Variants in MTF2 observed in about 807,000 individuals in gnomAD.
The protein encoded by MTF2 is metal response element binding transcription factor 2.
A neutral mutation model predicts 79.5 loss-of-function variants in MTF2; 11 were observed. That is an observed-to-expected ratio of 0.14 (90% CI 0.09 to 0.23). The LOEUF is 0.23. MTF2 is among the 10% of genes least tolerant of loss of function. MTF2 has a pLI of 1.00. For missense variants in MTF2, 486 were observed against 711.2 expected (o/e 0.68, Z 3.60); for synonymous variants, 208 against 232.8 (o/e 0.89, Z 0.97).
At chr1:93,117,263 T>C (rs1656285445) in intron 6 of MTF2, among the ~76,000 whole-genome samples, 1 of 152,086 alleles carries the variant, frequency 6.6e-6, no homozygotes, top group Non-Finnish European at 1.5e-5. Context: ...ACTAGCTGGG[T>C]GTGGTGGTGT....
At chr1:93,123,207 T>G (rs1477807539) in intron 9 of MTF2, among the ~76,000 whole-genome samples, 1 of 147,392 alleles carries the variant, frequency 6.8e-6, no homozygotes, top group Non-Finnish European at 1.5e-5. Flanking sequence ...ACATCAGCTC[T>G]TTCTTTTTTT....
rs144047097 is a variant in MTF2, at chr1:93,114,744, G to C, written c.343G>C (p.Ala115Pro). 3.7e-6 allele frequency: 6 copies of C among 1,612,878 alleles called. No individual in the cohort carries two copies. The highest frequency in any genetic ancestry group is 5.1e-6 in the Non-Finnish European group (6 of 1,179,582). ...AATATGTCAAGAAGAGTATTCAGAAGCTCCCAATGAAATGGTTATATGTGA... is the reference window on the plus strand; with the variant it reads ...AATATGTCAAGAAGAGTATTCAGAACCTCCCAATGAAATGGTTATATGTGA... ...CTICQEEYSE[A>P]PNEMVICDKC... The change falls in exon 4 of 15, where the codon GCT (alanine) becomes CCT (proline). Residue 115 changes from alanine to proline, a missense_variant. Ala to Pro is a conservative substitution (Grantham distance 27). Coordinates refer to ENST00000370298, the MANE Select transcript of MTF2 (RefSeq NM_007358.4).
At chr1:93,135,515 C>T in intron 14 of MTF2, among the ~76,000 whole-genome samples, 1 of 152,174 alleles carries the variant, frequency 6.6e-6, no homozygotes. Flanking sequence ...AAGCTTTTTA[C>T]AAATATTGTC....
At chr1:93,120,708 G>A (rs772273361) in intron 9 of MTF2, 36 bp downstream of exon 9, 1 of 1,588,100 alleles carries the variant, frequency 6.3e-7, no homozygotes, top group South Asian at 1.2e-5. Flanking sequence ...GTAGCTACTT[G>A]ATGTCTTTTT....
At chr1:93,095,973 C>T (rs1655273398) in intron 1 of MTF2, among the ~76,000 whole-genome samples, 1 of 152,148 alleles carries the variant, frequency 6.6e-6, no homozygotes, top group African/African-American at 2.4e-5. Flanking sequence ...ATTCTTAATG[C>T]TCCCACTTGA....
chr1:93,119,300 T>A, intron 7 of MTF2, 33 bp from the exon 8 acceptor site: 1 of 1,427,858 alleles, frequency 7.0e-7, no homozygotes, highest in Non-Finnish European at 9.6e-7. Context: ...GATGACTCAG[T>A]ATAAAACTTT....
rs763709882 is a variant in MTF2 at position 93,112,769 on chromosome 1, A to G, written c.287-1919A>G. Among the ~76,000 whole-genome samples the G allele has an allele frequency of 1.6e-3, 247 of 152,340 alleles. 1 individual carries two copies. Among genetic ancestry groups the G allele is most frequent in the Non-Finnish European group, 1.4e-3 (97 of 68,022 alleles). On this transcript the variant is annotated intron_variant, in intron 3 of 14. Transcript: ENST00000370298. ...GGAGACTATAGAAGATTACTAAGCT[A>G]TATAGGAAGGTTCTTGTAAACTTGA... is the stretch of plus-strand genomic sequence containing the variant.
At chr1:93,086,977 TTA>T (rs960162862) in intron 1 of MTF2, among the ~76,000 whole-genome samples, 1 of 152,184 alleles carries the variant, frequency 6.6e-6, no homozygotes, top group African/African-American at 2.4e-5. Flanking sequence ...CAAAATTCAT[TTA>T]TGTTTCATAC....
chr1:93,111,741 C>T lies in MTF2; in HGVS notation c.286+1115C>T, dbSNP rs539820081. On this transcript the variant is annotated intron_variant, in intron 3 of 14. Coordinates refer to ENST00000370298, the MANE Select transcript of MTF2 (RefSeq NM_007358.4). ...TGAGGAGCCAGAGAAAAGTGTGACT[C>T]ATAAGATTTAAAGGGATAGGAGATC... 2.6e-5 allele frequency among the ~76,000 whole-genome samples: 4 copies of T among 152,158 alleles called. No individual in the cohort carries two copies. The East Asian group carries it at 7.7e-4, about 29-fold the overall frequency.
At chr1:93,082,268 C>T (rs979958658) in intron 1 of MTF2, among the ~76,000 whole-genome samples, 12 of 145,184 alleles carry the variant, frequency 8.3e-5, no homozygotes, top group African/African-American at 2.6e-4. Context: ...TTTTATGTAA[C>T]CATTCTTTTT....
intron 1 of MTF2, among the ~76,000 whole-genome samples, chr1:93,107,138 A>G (rs1015164598): frequency 2.6e-5 from 4 of 152,236 alleles, no homozygotes; most frequent in Admixed American, 6.5e-5. Context: ...ATCAAACTGT[A>G]CTTGTATTCT....
chr1:93,096,808 CTT>C (rs961849389), intron 1 of MTF2, among the ~76,000 whole-genome samples: 7 of 136,228 alleles, frequency 5.1e-5, no homozygotes, highest in Admixed American at 7.4e-5. Flanking sequence ...TTTTCTTTTT[CTT>C]TTTTTTTTTT....
intron 1 of MTF2, among the ~76,000 whole-genome samples, chr1:93,097,932 G>A (rs1245012717): frequency 1.3e-5 from 2 of 152,008 alleles, no homozygotes; most frequent in Non-Finnish European, 2.9e-5. Context: ...AGATTTATTT[G>A]GGTTCCCATC....
At chr1:93,101,568 G>GTTTTTGTTTTTTTTTT (rs1655536573) in intron 1 of MTF2, among the ~76,000 whole-genome samples, 1 of 25,398 alleles carries the variant, frequency 3.9e-5, no homozygotes, top group Non-Finnish European at 6.6e-5. Flanking sequence ...GCTCAGGCTG[G>GTTTTTGTTTTTTTTTT]TTTTTTTTTT....
chr1:93,103,680 TAATA>T (rs141234675), intron 1 of MTF2, among the ~76,000 whole-genome samples: 12,401 of 152,072 alleles, frequency 0.082, 1,636 homozygotes, highest in African/African-American at 0.28. Flanking sequence ...AGAAAGGAAG[TAATA>T]AATTCTAAAA....
chr1:93,118,834 T>C lies in MTF2; in HGVS notation c.728+394T>C, dbSNP rs537019475. ...TAATGTACTTTCTATATTAGAAGAA[T>C]GCAGGGTAGCACAGTGAGCTCCAGG... On this transcript the variant is annotated intron_variant, in intron 7 of 14. Transcript: ENST00000370298. Among the ~76,000 whole-genome samples, 8 of 152,362 alleles carry C rather than the reference T, an allele frequency of 5.3e-5. No homozygotes were observed. The East Asian group carries it at 1.2e-3, about 22-fold the overall frequency.
chr1:93,082,775 G>A (rs983201584), intron 1 of MTF2, among the ~76,000 whole-genome samples: 1 of 152,030 alleles, frequency 6.6e-6, no homozygotes, highest in African/African-American at 2.4e-5. Context: ...TACTCACAAA[G>A]TTGTGCAGCC....
At chr1:93,114,250 T>A (rs553780345) in intron 3 of MTF2, among the ~76,000 whole-genome samples, 1 of 152,354 alleles carries the variant, frequency 6.6e-6, no homozygotes, top group Non-Finnish European at 1.5e-5. Context: ...TTTACTTATC[T>A]TCCTTACTTT....
At chr1:93,088,906 T>C (rs1200955301) in intron 1 of MTF2, among the ~76,000 whole-genome samples, 1 of 152,236 alleles carries the variant, frequency 6.6e-6, no homozygotes, top group African/African-American at 2.4e-5. Context: ...TTAAGATCTG[T>C]ATTTTTTATA....
Sources: allele counts gnomAD v4.1 joint callset (sites outside exome capture counted in the v4.1 genomes callset), GRCh38; gene constraint gnomAD v4.1.1; transcripts MANE v1.5; gene names NCBI Gene and HGNC (gene_info 2026-07-23, HGNC 2026-07-21).